C12orf42: variants seen among roughly 807,000 people sequenced by gnomAD.
C12orf42 encodes the protein uncharacterized protein C12orf42.
C12orf42 carries 25 observed loss-of-function variants against 21.6 expected under a neutral mutation model. That is an observed-to-expected ratio of 1.16 (90% confidence interval 0.84 to 1.62). The LOEUF is 1.62. C12orf42 is among the 40% of genes most tolerant of loss of function. The pLI is 0.00. For synonymous variants in C12orf42, 174 were observed against 175.0 expected (o/e 0.99, Z 0.05); for missense variants, 483 against 459.3 (o/e 1.05, Z -0.47).
At chr12:103,268,740 C>T (rs576515945) in exon 7 of C12orf42, 2 of 152,170 alleles carry the variant, frequency 1.3e-5, no homozygotes, top group East Asian at 3.9e-4. Flanking sequence ...TGGAGTGAGG[C>T]TGTAAAAGGT....
At chr12:103,073,525 G>A in the C12orf42 span, among the ~76,000 whole-genome samples, 1 of 152,136 alleles carries the variant, frequency 6.6e-6, no homozygotes, top group South Asian at 2.1e-4. Context: ...ATATGAAAGG[G>A]AAACATAAAA....
At chr12:103,354,304 G>A (rs145928153) in intron 4 of C12orf42, among the ~76,000 whole-genome samples, 40 of 152,156 alleles carry the variant, frequency 2.6e-4, no homozygotes, top group East Asian at 1.9e-3. Context: ...GGAGAATTAC[G>A]GCTTCCAAGT....
the C12orf42 span, chr12:103,558,535 G>A: frequency 1.3e-5 from 2 of 152,192 alleles, no homozygotes; most frequent in East Asian, 3.9e-4. Context: ...TTTGCAAAAG[G>A]GCTTCCCCAA....
chr12:103,527,209 C>T, the C12orf42 span, among the ~76,000 whole-genome samples: 8 of 152,094 alleles, frequency 5.3e-5, no homozygotes, highest in Non-Finnish European at 1.2e-4. Flanking sequence ...GGTTTCTTTT[C>T]TGCCACTGGA....
At chr12:103,053,302 G>A in the C12orf42 span, among the ~76,000 whole-genome samples, 3 of 151,868 alleles carry the variant, frequency 2.0e-5, no homozygotes, top group Admixed American at 2.0e-4. Flanking sequence ...TCACAAACAG[G>A]ATATTGACAT....
the C12orf42 span, among the ~76,000 whole-genome samples, chr12:103,511,036 G>A: frequency 7.2e-5 from 11 of 152,214 alleles, no homozygotes; most frequent in African/African-American, 2.7e-4. Flanking sequence ...GGACAGGGTT[G>A]ACCATTCTAA....
the C12orf42 span, chr12:103,550,693 A>T: frequency 1.3e-5 from 2 of 152,102 alleles, no homozygotes; most frequent in African/African-American, 4.8e-5. Flanking sequence ...TCTCATTATT[A>T]TTTCTATTTC....
chr12:103,376,802 A>C (rs910799266), intron 3 of C12orf42, among the ~76,000 whole-genome samples: 3 of 152,134 alleles, frequency 2.0e-5, no homozygotes, highest in African/African-American at 7.2e-5. Context: ...AGCAAGCCAT[A>C]TCAATCTGGA....
intron 4 of C12orf42, among the ~76,000 whole-genome samples, chr12:103,319,315 A>G (rs908707665): frequency 1.3e-5 from 2 of 152,248 alleles, no homozygotes; most frequent in Non-Finnish European, 2.9e-5. Flanking sequence ...ATGGATAAAT[A>G]ATTCTGATGA....
rs187034620 is a variant in C12orf42 at position 103,446,128 on chromosome 12, G to T, written c.78+32221C>A. ...TTATGCCAGCTCTCTAATATGATTTGGTATAAAGAAAAACCTATCAGAGCA... is the reference window on the plus strand; with the variant it reads ...TTATGCCAGCTCTCTAATATGATTTTGTATAAAGAAAAACCTATCAGAGCA... On this transcript the variant is annotated intron_variant, in intron 2 of 5. Transcript: ENST00000548883. 6.7e-4 allele frequency among the ~76,000 whole-genome samples: 102 copies of T among 151,880 alleles called. 1 individual carries two copies. In the East Asian group the frequency reaches 0.019, roughly 28 times the overall value.
intron 4 of C12orf42, among the ~76,000 whole-genome samples, chr12:103,352,487 A>G (rs2043182271): frequency 6.6e-6 from 1 of 152,010 alleles, no homozygotes; most frequent in South Asian, 2.1e-4. Context: ...CTCCTTCTGT[A>G]TTATTTTTTC....
At chr12:103,248,428 A>G (rs1297647896) in intron 10 of C12orf42, among the ~76,000 whole-genome samples, 7 of 152,078 alleles carry the variant, frequency 4.6e-5, no homozygotes, top group Non-Finnish European at 1.0e-4. Flanking sequence ...GGAGCCAACC[A>G]ATAATTCAGA....
intron 4 of C12orf42, among the ~76,000 whole-genome samples, chr12:103,350,730 T>C (rs2043036257): frequency 6.6e-6 from 1 of 152,154 alleles, no homozygotes; most frequent in Non-Finnish European, 1.5e-5. Flanking sequence ...ACAATGCAAA[T>C]GTTAGCACTT....
chr12:103,207,567 A>G, the C12orf42 span, among the ~76,000 whole-genome samples: 13 of 152,378 alleles, frequency 8.5e-5, no homozygotes, highest in East Asian at 2.5e-3. Context: ...CAGAAGGAGA[A>G]AAATGTATAT....
At chr12:103,275,596 T>C (rs1402538185) in intron 5 of C12orf42, among the ~76,000 whole-genome samples, 1 of 152,144 alleles carries the variant, frequency 6.6e-6, no homozygotes, top group African/African-American at 2.4e-5. Context: ...AGGCTATAAT[T>C]TTGTAACAAA....
At chr12:103,413,701 G>A (rs570032999) in intron 2 of C12orf42, among the ~76,000 whole-genome samples, 43 of 152,056 alleles carry the variant, frequency 2.8e-4, no homozygotes, top group African/African-American at 9.6e-4. Context: ...CTAATAGCTA[G>A]GCTCCCACTT....
intron 4 of C12orf42, among the ~76,000 whole-genome samples, chr12:103,333,810 T>TC (rs773197944): frequency 5.9e-5 from 9 of 152,234 alleles, no homozygotes; most frequent in Non-Finnish European, 1.3e-4. Context: ...TGAGTCACTG[T>TC]CATAAGTATC....
At chr12:103,235,201 C>T (rs138951460), downstream of C12orf42, among the ~76,000 whole-genome samples, 22 of 152,244 alleles carry the variant, frequency 1.4e-4, no homozygotes, top group East Asian at 4.0e-3. Flanking sequence ...TGTGCTAAAA[C>T]AACTTGAATC....
intron 4 of C12orf42, among the ~76,000 whole-genome samples, chr12:103,286,739 T>C (rs1042117056): frequency 3.3e-5 from 5 of 152,042 alleles, no homozygotes; most frequent in Admixed American, 6.6e-5. Flanking sequence ...AAATGGATCA[T>C]AGAATATGGA....
Sources: allele counts gnomAD v4.1 joint callset (sites outside exome capture counted in the v4.1 genomes callset), GRCh38; gene constraint gnomAD v4.1.1; transcripts MANE v1.5; gene names NCBI Gene and HGNC (gene_info 2026-07-23, HGNC 2026-07-21).